FBXL17: variants seen among roughly 807,000 people sequenced by gnomAD.
FBXL17 encodes F-box and leucine rich repeat protein 17, also known as F-box/LRR-repeat protein 17.
FBXL17 carries 22 observed loss-of-function variants against 66.2 expected under a neutral mutation model. That is an observed-to-expected ratio of 0.33 (90% CI 0.24 to 0.47). The LOEUF (loss-of-function observed/expected upper bound fraction) is 0.47, where lower values mean the gene tolerates loss of function less well. FBXL17 is among the 20% of genes least tolerant of loss of function. FBXL17 has a pLI of 1.00. For missense variants in FBXL17, 878 were observed against 948.2 expected (o/e 0.93, Z 0.97); for synonymous variants, 474 against 400.5 (o/e 1.18, Z -2.19).
At chr5:107,869,584 A>C (rs1448377193) in intron 8 of FBXL17, among the ~76,000 whole-genome samples, 2 of 152,222 alleles carry the variant, frequency 1.3e-5, no homozygotes, top group Admixed American at 6.5e-5. Context: ...CACAGCTGAC[A>C]ACATGTGCCT....
chr5:108,085,709 T>C (rs1305139748), intron 6 of FBXL17, among the ~76,000 whole-genome samples: 1 of 151,966 alleles, frequency 6.6e-6, no homozygotes, highest in African/African-American at 2.4e-5. Context: ...CAGAGACAAG[T>C]GGATGGCTTG....
At chr5:107,981,688 A>C (rs189264623) in intron 7 of FBXL17, among the ~76,000 whole-genome samples, 36 of 152,346 alleles carry the variant, frequency 2.4e-4, no homozygotes, top group African/African-American at 8.4e-4. Context: ...AAAATCTAAC[A>C]AATTATGGCA....
intron 3 of FBXL17, among the ~76,000 whole-genome samples, chr5:108,355,692 A>T (rs1351614464): frequency 2.6e-5 from 4 of 152,230 alleles, no homozygotes; most frequent in Admixed American, 2.0e-4. Context: ...GAATTCCAGG[A>T]TAACCACTTT....
chr5:108,257,351 G>A (rs1337972746), intron 4 of FBXL17, among the ~76,000 whole-genome samples: 1 of 151,976 alleles, frequency 6.6e-6, no homozygotes, highest in Non-Finnish European at 1.5e-5. Context: ...TGATAACAAA[G>A]GACTTGGATA....
rs145871676 is a variant in FBXL17 at position 107,867,611 on chromosome 5, G to A, written c.1966-5751C>T. Reference sequence around the variant, plus strand: ...TGTGACATTTAAGCTCCCTTTTAATGTCATAGTTATCTGATGGCAAAGAAT... The same window carrying A: ...TGTGACATTTAAGCTCCCTTTTAATATCATAGTTATCTGATGGCAAAGAAT... On this transcript the variant is annotated intron_variant, in intron 8 of 8. Transcript: ENST00000542267. Among the ~76,000 whole-genome samples the A allele has an allele frequency of 5.4e-4, 83 of 152,370 alleles. 1 individual carries two copies. Among genetic ancestry groups the A allele is most frequent in the African/African-American group, 1.9e-3 (77 of 41,592 alleles).
chr5:108,272,684 C>T lies in FBXL17; in HGVS notation c.1507-48456G>A, dbSNP rs941736642. Among the ~76,000 whole-genome samples the T allele has an allele frequency of 7.2e-5, 11 of 152,150 alleles. No homozygotes were observed. The South Asian group carries it at 1.5e-3, about 20-fold the overall frequency. ...CTACAATTTCTATAATAAATGATCC[C>T]GCATTTTCCCAATAAAACGGTTTCT... On this transcript the variant is annotated intron_variant, in intron 4 of 8. Coordinates refer to ENST00000542267, the MANE Select transcript of FBXL17 (RefSeq NM_001163315.3).
intron 6 of FBXL17, among the ~76,000 whole-genome samples, chr5:108,093,325 T>C (rs1258994789): frequency 6.6e-6 from 1 of 151,244 alleles, no homozygotes; most frequent in East Asian, 1.9e-4. Flanking sequence ...TATGTTCCCC[T>C]GGAACTACTG....
At chr5:108,366,471 T>C (rs926719993) in intron 2 of FBXL17, among the ~76,000 whole-genome samples, 4 of 146,916 alleles carry the variant, frequency 2.7e-5, no homozygotes, top group South Asian at 4.5e-4. Context: ...GGAAACAGCA[T>C]AAACACAGTT....
intron 4 of FBXL17, among the ~76,000 whole-genome samples, chr5:108,300,863 G>A (rs1758558064): frequency 6.6e-6 from 1 of 151,526 alleles, no homozygotes; most frequent in South Asian, 2.1e-4. Context: ...GACTCAAAAT[G>A]ATTTAGAATG....
At chr5:108,033,060 G>A (rs1399917167) in intron 6 of FBXL17, among the ~76,000 whole-genome samples, 1 of 152,076 alleles carries the variant, frequency 6.6e-6, no homozygotes, top group Non-Finnish European at 1.5e-5. Context: ...AACTTTTTTA[G>A]AATAAAGACT....
intron 6 of FBXL17, among the ~76,000 whole-genome samples, chr5:108,141,516 A>G (rs1751349682): frequency 6.6e-6 from 1 of 152,174 alleles, no homozygotes; most frequent in African/African-American, 2.4e-5. Flanking sequence ...TGTAGGACCT[A>G]AACAATATCT....
intron 4 of FBXL17, among the ~76,000 whole-genome samples, chr5:108,311,536 T>G (rs149479504): frequency 1.1e-4 from 16 of 152,204 alleles, no homozygotes; most frequent in African/African-American, 3.9e-4. Context: ...TCCAAGGAAG[T>G]CTGAGTATTC....
intron 4 of FBXL17, among the ~76,000 whole-genome samples, chr5:108,267,640 G>A (rs1000077025): frequency 7.2e-5 from 11 of 151,992 alleles, no homozygotes; most frequent in African/African-American, 2.2e-4. Flanking sequence ...GCACTATGCT[G>A]AAGTAAAGAA....
At chr5:108,173,908 G>A (rs532793909) in intron 6 of FBXL17, among the ~76,000 whole-genome samples, 24 of 152,166 alleles carry the variant, frequency 1.6e-4, no homozygotes, top group Non-Finnish European at 3.1e-4. Flanking sequence ...TGACAAATTG[G>A]TGCTGCCAAA....
chr5:108,131,113 T>A (rs10464047), intron 6 of FBXL17, among the ~76,000 whole-genome samples: 45,245 of 152,000 alleles, frequency 0.3, 7,690 homozygotes, highest in Admixed American at 0.4. Flanking sequence ...TTTAAATCTA[T>A]GCTTGTTTTA....
At chr5:107,937,390 C>T (rs919392335) in intron 7 of FBXL17, among the ~76,000 whole-genome samples, 1 of 152,136 alleles carries the variant, frequency 6.6e-6, no homozygotes, top group African/African-American at 2.4e-5. Flanking sequence ...GGAAACTCCA[C>T]TTAACAGCTC....
intron 4 of FBXL17, among the ~76,000 whole-genome samples, chr5:108,294,598 C>A (rs1192881558): frequency 6.6e-6 from 1 of 151,982 alleles, no homozygotes; most frequent in Non-Finnish European, 1.5e-5. Flanking sequence ...AAATCTCAAA[C>A]TGAAGAAATC....
At chr5:108,249,506 T>C (rs997061311) in intron 4 of FBXL17, among the ~76,000 whole-genome samples, 115 of 152,294 alleles carry the variant, frequency 7.6e-4, no homozygotes, top group African/African-American at 2.7e-3. Context: ...ATCACGCACA[T>C]TGATGATAAA....
chr5:108,211,045 G>A (rs375463955), intron 5 of FBXL17, among the ~76,000 whole-genome samples: 2 of 152,100 alleles, frequency 1.3e-5, no homozygotes, highest in South Asian at 2.1e-4. Context: ...TGTTCCATTG[G>A]TCCCTTTACC....
Sources: allele counts gnomAD v4.1 joint callset (sites outside exome capture counted in the v4.1 genomes callset), GRCh38; gene constraint gnomAD v4.1.1; transcripts MANE v1.5; gene names NCBI Gene and HGNC (gene_info 2026-07-23, HGNC 2026-07-21).